The following PEMT variants were observed in gnomAD, a reference collection of about 807,000 sequenced individuals.
The protein encoded by PEMT is phospholipid methyltransferase.
PEMT carries 23 observed loss-of-function variants against 27.4 expected under a neutral mutation model. That is an observed-to-expected ratio of 0.84 (90% CI 0.60 to 1.19). The LOEUF (loss-of-function observed/expected upper bound fraction) is 1.19. Ranked by LOEUF, PEMT falls within the 50% of genes most tolerant of loss-of-function variation. The pLI is 0.00. For synonymous variants in PEMT, 137 were observed against 139.1 expected (o/e 0.98, Z 0.11); for missense variants, 307 against 310.1 (o/e 0.99, Z 0.07).
chr17:17,545,790 G>A (rs1223826380), intron 2 of PEMT, among the ~76,000 whole-genome samples: 3 of 152,212 alleles, frequency 2.0e-5, no homozygotes, highest in African/African-American at 2.4e-5. Flanking sequence ...AGGTCACAGC[G>A]TTCGTGACGT....
intron 2 of PEMT, among the ~76,000 whole-genome samples, chr17:17,550,015 G>A (rs895002517): frequency 6.6e-6 from 1 of 152,228 alleles, no homozygotes; most frequent in African/African-American, 2.4e-5. Flanking sequence ...TGACGGAAAT[G>A]GATCCTTCTT....
intron 1 of PEMT, among the ~76,000 whole-genome samples, chr17:17,587,203 GA>G (rs1220499436): frequency 6.6e-6 from 1 of 151,666 alleles, no homozygotes; most frequent in African/African-American, 2.4e-5. Flanking sequence ...GCCTGACCAA[GA>G]AAAAAAGAGA....
chr17:17,510,394 C>T (rs1214917705), intron 4 of PEMT, among the ~76,000 whole-genome samples: 1 of 152,182 alleles, frequency 6.6e-6, no homozygotes, highest in African/African-American at 2.4e-5. Context: ...CCCCAGAAAC[C>T]CCTCATTTGT....
intron 2 of PEMT, among the ~76,000 whole-genome samples, chr17:17,536,370 T>C (rs971407252): frequency 6.6e-6 from 1 of 152,186 alleles, no homozygotes; most frequent in African/African-American, 2.4e-5. Context: ...GGGGAATCTG[T>C]GCCAATCTGA....
chr17:17,534,803 A>G (rs1597900555), intron 2 of PEMT, among the ~76,000 whole-genome samples: 4 of 152,220 alleles, frequency 2.6e-5, no homozygotes, highest in Admixed American at 6.5e-5. Context: ...AGCCTGGGCG[A>G]CAGAGCAAGA....
intron 4 of PEMT, among the ~76,000 whole-genome samples, chr17:17,511,109 C>T (rs1056996172): frequency 6.6e-6 from 1 of 152,198 alleles, no homozygotes; most frequent in Non-Finnish European, 1.5e-5. Context: ...CTCGGCTCAT[C>T]CTCCTGCCCT....
chr17:17,590,046 C>T (rs1043498646), intron 1 of PEMT, among the ~76,000 whole-genome samples: 1 of 150,318 alleles, frequency 6.7e-6, no homozygotes, highest in Non-Finnish European at 1.5e-5. Context: ...TTCTGCCCCC[C>T]CTTCTACATG....
In PEMT at chr17:17,591,576, T is replaced by G. The variant is rs1022739453; in HGVS notation, c.51A>C (p.Ala17=). The part of the protein sequence containing the change: ...PGAEVTNSSV[A]GPDCCGGLGN... ...CGAGGCCTCCGCAGCAGTCAGGCCC[T>G]GCCACCGAGCTGTTCGTTACCTCGG... Residue 17 remains alanine (A), a synonymous_variant, in exon 1 of 7, where the codon GCA becomes GCC. Coordinates refer to ENST00000255389, the MANE Select transcript of PEMT (RefSeq NM_148172.3). 6.2e-7 allele frequency: 1 copy of G among 1,613,682 alleles called. No individual in the cohort carries two copies. Among genetic ancestry groups the G allele is most frequent in the Non-Finnish European group, 8.5e-7 (1 of 1,179,856 alleles).
intron 3 of PEMT, among the ~76,000 whole-genome samples, chr17:17,516,712 C>T (rs1413655754): frequency 6.6e-6 from 1 of 152,142 alleles, no homozygotes; most frequent in African/African-American, 2.4e-5. Flanking sequence ...AGGTGCCAGA[C>T]CAGCCTGGTC....
At chr17:17,578,219 G>A (rs1328491213) in intron 1 of PEMT, among the ~76,000 whole-genome samples, 6 of 150,970 alleles carry the variant, frequency 4.0e-5, no homozygotes, top group Admixed American at 4.0e-4. Context: ...ACCCAGGCTG[G>A]AATGCAGTGG....
In PEMT at chr17:17,552,859, AG is replaced by A. The variant is rs772710159; in HGVS notation, c.204+24060del. Among the ~76,000 whole-genome samples the A allele has an allele frequency of 9.2e-5, 14 of 152,328 alleles. No individual in the cohort carries two copies. In the East Asian group the frequency reaches 2.7e-3, roughly 29 times the overall value. ...GTGAAGAGGTGTCAAATCTGTGCTC[AG>A]GGAACAACCTTTTCTGAACACACTG... On this transcript the variant is annotated intron_variant, in intron 2 of 6. Transcript: ENST00000255389.
At chr17:17,550,174 C>G (rs765926976) in intron 2 of PEMT, among the ~76,000 whole-genome samples, 1 of 152,214 alleles carries the variant, frequency 6.6e-6, no homozygotes, top group Non-Finnish European at 1.5e-5. Flanking sequence ...CCACCACCCC[C>G]CTCTGGAACG....
intron 1 of PEMT, among the ~76,000 whole-genome samples, chr17:17,584,995 C>T (rs2142760101): frequency 6.6e-6 from 1 of 152,324 alleles, no homozygotes; most frequent in East Asian, 1.9e-4. Flanking sequence ...ACTGTGTCAT[C>T]GAGTCCTGGT....
intron 2 of PEMT, chr17:17,570,857 A>G: frequency 1.0e-6 from 1 of 985,436 alleles, no homozygotes; most frequent in South Asian, 4.7e-5. Flanking sequence ...GCGAGGGTAC[A>G]GATCCGGGGG....
chr17:17,560,803 G>A (rs182159635), intron 2 of PEMT, among the ~76,000 whole-genome samples: 34 of 152,044 alleles, frequency 2.2e-4, no homozygotes, highest in African/African-American at 8.0e-4. Context: ...CACAGGGGCA[G>A]GGTGTCCAGC....
At position 17,591,517 on chromosome 17, in the gene PEMT, G is replaced by T. The variant is rs750038080; in HGVS notation, c.96+14C>A. The T allele has an allele frequency of 1.9e-6, 3 of 1,596,620 alleles. No individual in the cohort carries two copies. Among genetic ancestry groups the T allele is most frequent in the Non-Finnish European group, 2.6e-6 (3 of 1,166,500 alleles). ...CCTCTCCCAGTTTCCGCGGCGGTCC[G>T]GTGCGGTCAGTACCTGTCTAAAATC... On this transcript the variant is annotated intron_variant, in intron 1 of 6. Transcript: ENST00000255389.
chr17:17,577,475 CAG>C (rs1035627899), intron 1 of PEMT: 12 of 1,030,820 alleles, frequency 1.2e-5, no homozygotes, highest in Admixed American at 5.0e-5. Context: ...CCACACTCGA[CAG>C]GGGACAATCT....
intron 1 of PEMT, among the ~76,000 whole-genome samples, chr17:17,577,893 T>C (rs560523640): frequency 6.6e-6 from 1 of 151,554 alleles, no homozygotes; most frequent in Non-Finnish European, 1.5e-5. Flanking sequence ...GGCGGGCGCC[T>C]GTAGTCCCAG....
At chr17:17,541,958 A>G (rs1244521806) in intron 2 of PEMT, among the ~76,000 whole-genome samples, 3 of 152,236 alleles carry the variant, frequency 2.0e-5, no homozygotes, top group Non-Finnish European at 2.9e-5. Context: ...AGAAGGGCAC[A>G]GCCCACCTTC....
Sources: gnomAD v4.1 joint callset for allele counts (sites outside exome capture counted in the v4.1 genomes callset) on GRCh38, gnomAD v4.1.1 for gene constraint, MANE v1.5 for transcripts, NCBI Gene and HGNC (gene_info 2026-07-23, HGNC 2026-07-21) for gene names.